KCTD8: variants seen among roughly 807,000 people sequenced by gnomAD.
The protein encoded by KCTD8 is BTB/POZ domain-containing protein KCTD8.
In KCTD8, 27 loss-of-function variants were observed where a neutral mutation model predicts 31.5. The ratio of observed to expected loss-of-function variants is 0.86; its 90% CI spans 0.63 to 1.18. KCTD8 has a LOEUF of 1.18. Ranked by LOEUF, KCTD8 falls within the 50% of genes most tolerant of loss-of-function variation. The pLI is 0.00. For synonymous variants in KCTD8, 290 were observed against 280.0 expected, an observed-to-expected ratio of 1.04 and a Z score of -0.36; for missense variants, 658 against 647.7, an observed-to-expected ratio of 1.02 and a Z score of -0.17.
chr4:44,383,961 C>A (rs12510416), intron 1 of KCTD8, among the ~76,000 whole-genome samples: 1 of 151,730 alleles, frequency 6.6e-6, no homozygotes, highest in African/African-American at 2.4e-5. Context: ...CAGAATTCAA[C>A]TCAACAGCAA....
At chr4:44,385,007 G>C (rs1720172688) in intron 1 of KCTD8, among the ~76,000 whole-genome samples, 1 of 150,574 alleles carries the variant, frequency 6.6e-6, no homozygotes, top group African/African-American at 2.4e-5. Flanking sequence ...AAAATATATA[G>C]GAATAAGCTT....
chr4:44,192,859 T>A (rs1174242973), intron 1 of KCTD8, among the ~76,000 whole-genome samples: 1 of 152,296 alleles, frequency 6.6e-6, no homozygotes, highest in East Asian at 1.9e-4. Flanking sequence ...TTAGACTGGC[T>A]TAGCCTCCCA....
At chr4:44,260,979 A>T (rs1320668569) in intron 1 of KCTD8, among the ~76,000 whole-genome samples, 2 of 152,036 alleles carry the variant, frequency 1.3e-5, no homozygotes, top group Non-Finnish European at 2.9e-5. Context: ...AAAAGATGAA[A>T]GTAACGTAAT....
At chr4:44,193,043 T>C (rs567525875) in intron 1 of KCTD8, among the ~76,000 whole-genome samples, 72 of 152,284 alleles carry the variant, frequency 4.7e-4, no homozygotes, top group African/African-American at 1.6e-3. Context: ...CCCCTTTATA[T>C]ATACATCTAT....
intron 1 of KCTD8, among the ~76,000 whole-genome samples, chr4:44,395,842 T>C (rs1720490557): frequency 1.3e-5 from 2 of 152,032 alleles, no homozygotes. Context: ...TCCCACTATA[T>C]AGCAGCAGTC....
chr4:44,255,692 T>C (rs996584665), intron 1 of KCTD8, among the ~76,000 whole-genome samples: 1 of 151,876 alleles, frequency 6.6e-6, no homozygotes, highest in Non-Finnish European at 1.5e-5. Context: ...TGGACTTCCA[T>C]GTAAAAAATA....
Position 44,303,423 on chromosome 4 carries a change from C to A in KCTD8, c.962-128173G>T, listed in dbSNP as rs185845174. 1.8e-3 allele frequency among the ~76,000 whole-genome samples: 267 copies of A among 152,166 alleles called. 1 individual carries two copies. Among genetic ancestry groups the A allele is most frequent in the Non-Finnish European group, 2.8e-3 (191 of 68,010 alleles). ...CCTGTTATTGGTCTATTCAGAGATT[C>A]AACTTCTTCCTGGTTTAGTCTTGGG... On this transcript the variant is annotated intron_variant, in intron 1 of 1. Coordinates refer to ENST00000360029, the MANE Select transcript of KCTD8 (RefSeq NM_198353.3).
chr4:44,328,685 G>A (rs1718517401), intron 1 of KCTD8, among the ~76,000 whole-genome samples: 1 of 151,936 alleles, frequency 6.6e-6, no homozygotes, highest in Admixed American at 6.6e-5. Flanking sequence ...CCAAAGAGTT[G>A]CTTTTAAGCT....
At chr4:44,258,516 T>C (rs1378176225) in intron 1 of KCTD8, among the ~76,000 whole-genome samples, 1 of 151,906 alleles carries the variant, frequency 6.6e-6, no homozygotes, top group South Asian at 2.1e-4. Context: ...CCTGAAGTGT[T>C]TATGAGTGCT....
intron 1 of KCTD8, among the ~76,000 whole-genome samples, chr4:44,259,861 C>A (rs975050616): frequency 6.6e-6 from 1 of 151,768 alleles, no homozygotes; most frequent in Non-Finnish European, 1.5e-5. Context: ...TTCATGATTT[C>A]TCTTACCCCT....
intron 1 of KCTD8, among the ~76,000 whole-genome samples, chr4:44,320,050 T>G (rs566141099): frequency 6.6e-6 from 1 of 151,862 alleles, no homozygotes; most frequent in Non-Finnish European, 1.5e-5. Context: ...TGAGCACCTG[T>G]AATTCCAGGT....
chr4:44,430,750 ATT>A (rs1721483362), intron 1 of KCTD8, among the ~76,000 whole-genome samples: 1 of 151,450 alleles, frequency 6.6e-6, no homozygotes, highest in African/African-American at 2.4e-5. Flanking sequence ...CAGACTCACT[ATT>A]TCCCTCCTGC....
At chr4:44,332,579 A>G (rs895709568) in intron 1 of KCTD8, among the ~76,000 whole-genome samples, 1 of 151,900 alleles carries the variant, frequency 6.6e-6, no homozygotes, top group Non-Finnish European at 1.5e-5. Flanking sequence ...GTACTATTTT[A>G]CTTCTTACAA....
At chr4:44,430,901 T>G (rs566244542) in intron 1 of KCTD8, among the ~76,000 whole-genome samples, 1 of 151,594 alleles carries the variant, frequency 6.6e-6, no homozygotes, top group East Asian at 1.9e-4. Context: ...TAAGCCCTGA[T>G]GGTTATTTCT....
At chr4:44,247,171 C>T (rs1187215504) in intron 1 of KCTD8, among the ~76,000 whole-genome samples, 1 of 151,916 alleles carries the variant, frequency 6.6e-6, no homozygotes, top group Admixed American at 6.6e-5. Context: ...CATGCTATGC[C>T]TCTTCCAATA....
At chr4:44,403,753 T>G (rs1365769878) in intron 1 of KCTD8, among the ~76,000 whole-genome samples, 1 of 152,166 alleles carries the variant, frequency 6.6e-6, no homozygotes. Flanking sequence ...AGTATGGGGA[T>G]TAGGACTTCA....
Position 44,174,797 on chromosome 4 carries a change from C to G in KCTD8, c.1415G>C (p.Gly472Ala), listed in dbSNP as rs1365406541. 1 of 1,600,766 alleles carries G rather than the reference C, an allele frequency of 6.2e-7. No homozygotes were observed. The highest frequency in any genetic ancestry group is 8.5e-7 in the Non-Finnish European group (1 of 1,172,960). The change falls in exon 2 of 2, where the codon GGG (glycine) becomes GCG (alanine). Residue 472 changes from glycine to alanine, a missense_variant. Physicochemically the swap from Gly to Ala is moderately conservative, Grantham distance 60. Coordinates refer to ENST00000360029, the MANE Select transcript of KCTD8 (RefSeq NM_198353.3). ...GCAGGAATGTGACAATTACTATAACCCATACTTCTGCAACAGTTCAGATTG... is the reference window on the plus strand; with the variant it reads ...GCAGGAATGTGACAATTACTATAACGCATACTTCTGCAACAGTTCAGATTG... ...QWQSELLQKY[G>A]L is the part of the protein sequence containing the mutation.
chr4:44,358,731 G>C (rs1037448741), intron 1 of KCTD8, among the ~76,000 whole-genome samples: 6 of 152,016 alleles, frequency 3.9e-5, no homozygotes, highest in African/African-American at 1.4e-4. Flanking sequence ...ACCACACCCG[G>C]TTAATTTTTT....
intron 1 of KCTD8, among the ~76,000 whole-genome samples, chr4:44,228,319 TCTC>T (rs1451812002): frequency 6.6e-6 from 1 of 152,156 alleles, no homozygotes; most frequent in Non-Finnish European, 1.5e-5. Flanking sequence ...CCTGTCCTAA[TCTC>T]CTCTTATTAG....
Sources: allele counts gnomAD v4.1 joint callset (sites outside exome capture counted in the v4.1 genomes callset), GRCh38; gene constraint gnomAD v4.1.1; transcripts MANE v1.5; gene names NCBI Gene and HGNC (gene_info 2026-07-23, HGNC 2026-07-21).